The following SLC66A2 variants were observed in gnomAD, a reference collection of about 807,000 sequenced individuals.
SLC66A2 encodes the protein solute carrier family 66 member 2.
SLC66A2 carries 23 observed loss-of-function variants against 25.5 expected under a neutral mutation model. The ratio of observed to expected loss-of-function variants is 0.90; its 90% confidence interval spans 0.65 to 1.28. The LOEUF (loss-of-function observed/expected upper bound fraction) is 1.28, where lower values mean the gene tolerates loss of function less well. Ranked by LOEUF, SLC66A2 falls within the 50% of genes most tolerant of loss-of-function variation. The pLI, the probability that SLC66A2 is intolerant of heterozygous loss-of-function variation, is 0.00. For missense variants in SLC66A2, 396 were observed against 373.1 expected, an observed-to-expected ratio of 1.06 and a Z score of -0.51; for synonymous variants, 193 against 166.5, an observed-to-expected ratio of 1.16 and a Z score of -1.23.
intron 5 of SLC66A2, among the ~76,000 whole-genome samples, chr18:79,909,893 C>T (rs1253454228): frequency 8.1e-4 from 98 of 120,496 alleles, no homozygotes; most frequent in East Asian, 1.2e-3. Context: ...CTTCCCCACA[C>T]CCTCACCATA....
chr18:79,946,661 A>G (rs1248147911), intron 2 of SLC66A2, among the ~76,000 whole-genome samples: 6 of 152,214 alleles, frequency 3.9e-5, no homozygotes, highest in Admixed American at 3.3e-4. Flanking sequence ...CCATGTTCCA[A>G]AATCTCACAG....
chr18:79,939,784 A>C (rs1308772646), intron 3 of SLC66A2, among the ~76,000 whole-genome samples: 1 of 152,192 alleles, frequency 6.6e-6, no homozygotes, highest in African/African-American at 2.4e-5. Flanking sequence ...GTGGGAGTGT[A>C]AATTAGCTCA....
At chr18:79,948,054 C>A (rs561422011) in intron 2 of SLC66A2, among the ~76,000 whole-genome samples, 9 of 152,338 alleles carry the variant, frequency 5.9e-5, no homozygotes. Flanking sequence ...CTGGAACACA[C>A]TGGGGCCCTG....
rs1568302144 is a variant in SLC66A2 at position 79,916,174 on chromosome 18, CCG to C, written c.608+3008_608+3009del. Among the ~76,000 whole-genome samples, 15 of 57,228 alleles carry C rather than the reference CCG, an allele frequency of 2.6e-4. 1 individual carries two copies. In the South Asian group the frequency reaches 7.9e-3, roughly 30 times the overall value. The allele number at this position is 57,228 out of a possible 152,430, so 37.5% of individuals were successfully genotyped here. A position where few individuals can be genotyped will look rare whatever the true frequency, so the allele number is the denominator to read the frequency against. ...CGGCGCTCTCGTACCCGCAGTGCTC[CCG>C]TACCCTCCCATACCCACGGTGCTCC... On this transcript the variant is annotated intron_variant, in intron 5 of 5. Coordinates refer to ENST00000397778, the MANE Select transcript of SLC66A2 (RefSeq NM_025078.5).
At chr18:79,922,282 GAA>G (rs147083635) in intron 4 of SLC66A2, among the ~76,000 whole-genome samples, 121 of 102,762 alleles carry the variant, frequency 1.2e-3, no homozygotes, top group East Asian at 4.2e-3. Context: ...TCTTTGAAAA[GAA>G]AAAAAAAAAA....
chr18:79,910,440 A>C (rs1176909303), intron 5 of SLC66A2, among the ~76,000 whole-genome samples: 2 of 99,894 alleles, frequency 2.0e-5, no homozygotes, highest in African/African-American at 4.2e-5. Flanking sequence ...AACCTTCCCC[A>C]CACCCTCACC....
At position 79,943,311 on chromosome 18, in the gene SLC66A2, G is replaced by A. The variant is rs370528972; in HGVS notation, c.337+18C>T. ...CCCTGATTCCCTGCGACTTTATTCC[G>A]AAGCGCCGGCCACCAACCTGTAAAG... On this transcript the variant is annotated intron_variant, in intron 3 of 5. Transcript: ENST00000397778. 1.8e-4 allele frequency: 294 copies of A among 1,612,042 alleles called. No homozygotes were observed. The highest frequency in any genetic ancestry group is 8.2e-4 in the Admixed American group (49 of 59,754).
chr18:79,940,211 C>T lies in SLC66A2; in HGVS notation c.337+3118G>A, dbSNP rs1392338011. 1.3e-5 allele frequency among the ~76,000 whole-genome samples: 2 copies of T among 152,156 alleles called. No homozygotes were observed. The highest frequency in any genetic ancestry group is 3.8e-4 in the East Asian group (2 of 5,196). ...CACATGGACACACAGAGGGGAACAA[C>T]AGCCACTAGAGCCTGTCGGGGGGTG... is the stretch of plus-strand genomic sequence containing the variant. On this transcript the variant is annotated intron_variant, in intron 3 of 5. Transcript: ENST00000397778. This position sits in a 1 kb window ranked among gnomAD's most constrained non-coding sequence, Gnocchi z 4.1.
At position 79,918,614 on chromosome 18, in the gene SLC66A2, G is replaced by A. The variant is rs571760767; in HGVS notation, c.608+570C>T. 1.1e-3 allele frequency among the ~76,000 whole-genome samples: 163 copies of A among 152,370 alleles called. No homozygotes were observed. The highest frequency in any genetic ancestry group is 3.7e-3 in the African/African-American group (154 of 41,582). ...TCCAGGACCTTGACTGAGCCCGTGG[G>A]CATCATGCTGCTCGCGTTGTGCCCT... is the stretch of plus-strand genomic sequence containing the variant. On this transcript the variant is annotated intron_variant, in intron 5 of 5. Transcript: ENST00000397778. The surrounding 1 kb of genome is among the most constrained non-coding windows in gnomAD (Gnocchi z 4.0).
chr18:79,914,389 G>A lies in SLC66A2; in HGVS notation c.608+4795C>T, dbSNP rs553036984. 5.9e-5 allele frequency among the ~76,000 whole-genome samples: 9 copies of A among 152,296 alleles called. No individual in the cohort carries two copies. The East Asian group carries it at 1.2e-3, about 20-fold the overall frequency. On this transcript the variant is annotated intron_variant, in intron 5 of 5. Coordinates refer to ENST00000397778, the MANE Select transcript of SLC66A2 (RefSeq NM_025078.5). ...CTGACAGGGCTGGGGATACCACGAC[G>A]CCCCCATCAGGCAGATCGGAGCACA...
chr18:79,929,496 T>C (rs1986347566), intron 4 of SLC66A2, among the ~76,000 whole-genome samples: 1 of 152,144 alleles, frequency 6.6e-6, no homozygotes, highest in Non-Finnish European at 1.5e-5. Flanking sequence ...TACTATAGTT[T>C]ACCTAAAATG....
chr18:79,928,009 G>C (rs555908463), intron 4 of SLC66A2, among the ~76,000 whole-genome samples: 4 of 152,078 alleles, frequency 2.6e-5, no homozygotes, highest in African/African-American at 7.2e-5. Flanking sequence ...TGACATCTCC[G>C]GGCCCCTCAT....
intron 4 of SLC66A2, among the ~76,000 whole-genome samples, chr18:79,926,134 G>A (rs1050573449): frequency 3.3e-5 from 5 of 152,206 alleles, no homozygotes; most frequent in Admixed American, 6.5e-5. Context: ...AAAAGGGGAG[G>A]CATGAATAAT....
intron 4 of SLC66A2, among the ~76,000 whole-genome samples, chr18:79,929,099 G>C (rs772945963): frequency 6.6e-6 from 1 of 152,158 alleles, no homozygotes; most frequent in African/African-American, 2.4e-5. Context: ...CAGAGACCTC[G>C]GCAGCCAGCA....
intron 4 of SLC66A2, among the ~76,000 whole-genome samples, chr18:79,932,306 C>T (rs1216587963): frequency 1.3e-5 from 2 of 151,908 alleles, no homozygotes; most frequent in East Asian, 3.9e-4. Flanking sequence ...GAAAAAAAAT[C>T]AATGTTCTAA....
intron 5 of SLC66A2, among the ~76,000 whole-genome samples, chr18:79,906,011 G>A (rs1982076266): frequency 6.6e-6 from 1 of 152,188 alleles, no homozygotes. Context: ...TTCTTCTTGG[G>A]TTAAAGGAAT....
At chr18:79,905,546 G>A (rs1240714144) in intron 5 of SLC66A2, among the ~76,000 whole-genome samples, 1 of 152,264 alleles carries the variant, frequency 6.6e-6, no homozygotes, top group African/African-American at 2.4e-5. Context: ...CCGGTGCAAA[G>A]GCGCCTGCCT....
chr18:79,922,949 C>T (rs1413813634), intron 4 of SLC66A2, among the ~76,000 whole-genome samples: 1 of 151,516 alleles, frequency 6.6e-6, no homozygotes, highest in Non-Finnish European at 1.5e-5. Flanking sequence ...GCAGGGGTGG[C>T]CAGGCTGTGC....
At chr18:79,951,275 G>A (rs1474032265) in intron 1 of SLC66A2, among the ~76,000 whole-genome samples, 1 of 151,640 alleles carries the variant, frequency 6.6e-6, no homozygotes, top group Non-Finnish European at 1.5e-5. Flanking sequence ...GTCACCGCCC[G>A]GGTGCGCTTA....
Sources: allele counts gnomAD v4.1 joint callset (sites outside exome capture counted in the v4.1 genomes callset), GRCh38; gene constraint gnomAD v4.1.1; non-coding constraint Gnocchi (gnomAD v3.1); transcripts MANE v1.5; gene names NCBI Gene and HGNC (gene_info 2026-07-23, HGNC 2026-07-21).